RYR3: variants seen among roughly 807,000 people sequenced by gnomAD.
RYR3 encodes the protein brain ryanodine receptor-calcium release channel.
In RYR3, 207 loss-of-function variants were observed where a neutral mutation model predicts 584.3. The ratio of observed to expected loss-of-function variants is 0.35; its 90% CI spans 0.32 to 0.40. RYR3 has a LOEUF of 0.40. Ranked by LOEUF, RYR3 falls within the 10% of genes least tolerant of loss-of-function variation. The pLI, the probability that RYR3 is intolerant of heterozygous loss-of-function variation, is 1.00. For synonymous variants in RYR3, 2,416 were observed against 2,248.5 expected, an observed-to-expected ratio of 1.07 and a Z score of -2.11; for missense variants, 5,616 against 6,089.2, an observed-to-expected ratio of 0.92 and a Z score of 2.59.
rs1035378323 is a variant in RYR3 at position 33,769,125 on chromosome 15, T to C, written c.8769T>C (p.Thr2923=). The C allele has an allele frequency of 6.2e-7, 1 of 1,613,342 alleles. No homozygotes were observed. ...TTTTTATTCCAGGTAGTGATTCTAC[T>C]ACAATGGTGAGCTGTCTTCACATCT... The part of the protein sequence containing the change: ...HRISLFGSDS[T]TMVSCLHILA... Residue 2923 remains threonine, a synonymous_variant, in exon 62 of 104, where the codon ACT becomes ACC. Coordinates refer to ENST00000634891, the MANE Select transcript of RYR3 (RefSeq NM_001036.6).
At chr15:33,489,268 G>A (rs1567353384) in intron 2 of RYR3, among the ~76,000 whole-genome samples, 1 of 152,216 alleles carries the variant, frequency 6.6e-6, no homozygotes, top group Middle Eastern at 3.4e-3. Flanking sequence ...AGGTAAACTT[G>A]TGTCACAAGG....
chr15:33,856,386 C>G (rs932933864), intron 98 of RYR3: 3 of 152,278 alleles, frequency 2.0e-5, no homozygotes, highest in Admixed American at 6.5e-5. Flanking sequence ...AGCTCAATGC[C>G]TAGTCCTTGA....
At position 33,431,442 on chromosome 15, in the gene RYR3, G is replaced by A. The variant is rs1198566060; in HGVS notation, c.52-41977G>A. Among the ~76,000 whole-genome samples the A allele has an allele frequency of 2.0e-5, 3 of 152,236 alleles. No homozygotes were observed. The East Asian group carries it at 5.8e-4, about 29-fold the overall frequency. ...ATGTATGTATAGATATGTTTGGAAG[G>A]AGATAAACCTAATTTCTACTTCTGA... On this transcript the variant is annotated intron_variant, in intron 1 of 103. Transcript: ENST00000634891.
At chr15:33,340,224 A>C (rs538805757) in intron 1 of RYR3, among the ~76,000 whole-genome samples, 1 of 152,286 alleles carries the variant, frequency 6.6e-6, no homozygotes, top group South Asian at 2.1e-4. Context: ...CATTGCACAC[A>C]TTGCAGGTTA....
chr15:33,725,305 T>C (rs1339296123), intron 45 of RYR3, among the ~76,000 whole-genome samples: 1 of 152,016 alleles, frequency 6.6e-6, no homozygotes, highest in African/African-American at 2.4e-5. Context: ...CCCTTGGAGA[T>C]GGAGGCGGCA....
intron 60 of RYR3, among the ~76,000 whole-genome samples, chr15:33,767,729 C>G (rs1470573571): frequency 6.6e-6 from 1 of 152,170 alleles, no homozygotes; most frequent in Non-Finnish European, 1.5e-5. Context: ...TCTTTTTTCC[C>G]TCTTTCTATT....
chr15:33,701,292 C>T (rs2066284681), intron 42 of RYR3, among the ~76,000 whole-genome samples: 1 of 152,194 alleles, frequency 6.6e-6, no homozygotes, highest in Non-Finnish European at 1.5e-5. Context: ...ACTTCAGAGA[C>T]ATGTGGACAT....
intron 37 of RYR3, among the ~76,000 whole-genome samples, chr15:33,669,857 G>GGGT (rs1555401713): frequency 0.015 from 920 of 60,104 alleles, 198 homozygotes; most frequent in Non-Finnish European, 0.019. Context: ...GGGGGGGGGG[G>GGGT]GTGTGGGTGT....
chr15:33,631,914 G>A (rs527282036), intron 23 of RYR3, among the ~76,000 whole-genome samples: 10 of 152,286 alleles, frequency 6.6e-5, no homozygotes, highest in Admixed American at 4.6e-4. Flanking sequence ...TTAATCAAAC[G>A]TTTATCTTCC....
intron 51 of RYR3, among the ~76,000 whole-genome samples, chr15:33,741,526 C>G (rs970920138): frequency 6.6e-6 from 1 of 152,276 alleles, no homozygotes. Context: ...GGTGCTGATA[C>G]CAACAGAAGG....
intron 1 of RYR3, among the ~76,000 whole-genome samples, chr15:33,326,044 C>T (rs551148724): frequency 6.6e-6 from 1 of 152,092 alleles, no homozygotes; most frequent in Non-Finnish European, 1.5e-5. Context: ...GCTCAAGCAA[C>T]CTGCTCACCT....
At chr15:33,751,955 C>A (rs2152852661) in intron 57 of RYR3, among the ~76,000 whole-genome samples, 1 of 152,286 alleles carries the variant, frequency 6.6e-6, no homozygotes, top group South Asian at 2.1e-4. Context: ...TAGGGCTAGC[C>A]AGTTTTCCCA....
intron 38 of RYR3, among the ~76,000 whole-genome samples, chr15:33,673,908 AG>A (rs2063998537): frequency 6.6e-6 from 1 of 152,180 alleles, no homozygotes. Flanking sequence ...AGCATGGCTG[AG>A]TCTTTCTGAA....
chr15:33,559,451 C>G (rs569702443), intron 10 of RYR3, among the ~76,000 whole-genome samples: 5 of 152,256 alleles, frequency 3.3e-5, no homozygotes, highest in African/African-American at 1.2e-4. Flanking sequence ...TAGGAAAGCA[C>G]CAGCTTTGGT....
At chr15:33,817,550 G>A (rs1390507654) in intron 75 of RYR3, among the ~76,000 whole-genome samples, 1 of 152,048 alleles carries the variant, frequency 6.6e-6, no homozygotes, top group Non-Finnish European at 1.5e-5. Flanking sequence ...CTTCTCCCAC[G>A]AACCTTTTTC....
intron 2 of RYR3, among the ~76,000 whole-genome samples, chr15:33,500,583 G>C (rs926297553): frequency 1.3e-5 from 2 of 152,262 alleles, no homozygotes; most frequent in Admixed American, 6.5e-5. Context: ...GTTCAGGGCA[G>C]GGCTTGGGGA....
At chr15:33,860,529 C>T (rs1887797592) in intron 100 of RYR3, 66 bp from the exon 101 acceptor site, 3 of 927,536 alleles carry the variant, frequency 3.2e-6, no homozygotes, top group Non-Finnish European at 4.7e-6. Flanking sequence ...GTAGCTTCTT[C>T]CTTTATCATT....
chr15:33,838,702 T>A lies in RYR3; in HGVS notation c.12722T>A (p.Phe4241Tyr). Residue 4241 changes from phenylalanine (F) to tyrosine (Y), a missense_variant, in exon 89 of 104, where the codon TTT (phenylalanine) becomes TAT (tyrosine). This residue lies in a region of RYR3 where 918 missense variants were observed against 887.4 expected (regional missense o/e 1.03). Coordinates refer to ENST00000634891, the MANE Select transcript of RYR3 (RefSeq NM_001036.6). ...ILGDMPDPTQ[F>Y]GIHDDTMEAE... ...GGTGACATGCCTGACCCAACCCAATTTGGTATCCATGATGACACTATGGAG... is the reference window on the plus strand; with the variant it reads ...GGTGACATGCCTGACCCAACCCAATATGGTATCCATGATGACACTATGGAG... The A allele has an allele frequency of 6.2e-7, 1 of 1,613,764 alleles. No individual in the cohort carries two copies. Among genetic ancestry groups the A allele is most frequent in the Non-Finnish European group, 8.5e-7 (1 of 1,179,840 alleles).
At chr15:33,643,090 T>C (rs906161984) in intron 27 of RYR3, among the ~76,000 whole-genome samples, 9 of 152,194 alleles carry the variant, frequency 5.9e-5, no homozygotes, top group African/African-American at 2.2e-4. Flanking sequence ...GGCCTTGGTG[T>C]CTGTGAAAGA....
Sources: allele counts gnomAD v4.1 joint callset (sites outside exome capture counted in the v4.1 genomes callset), GRCh38; gene constraint gnomAD v4.1.1; regional missense constraint gnomAD v4.1.1; transcripts MANE v1.5; gene names NCBI Gene and HGNC (gene_info 2026-07-23, HGNC 2026-07-21).